The following MEP1A variants were observed in gnomAD, a reference collection of about 807,000 sequenced individuals.
MEP1A encodes N-benzoyl-L-tyrosyl-P-amino-benzoic acid hydrolase subunit alpha.
MEP1A carries 68 observed loss-of-function variants against 84.5 expected under a neutral mutation model. The ratio of observed to expected loss-of-function variants is 0.80; its 90% CI spans 0.66 to 0.98. The LOEUF is 0.98. Ranked by LOEUF, MEP1A falls within the 50% of genes least tolerant of loss-of-function variation. The probability of loss-of-function intolerance (pLI) is 0.00; values close to 1 mark genes in which losing one functional copy is unlikely to be tolerated. For synonymous variants in MEP1A, 337 were observed against 336.8 expected, an observed-to-expected ratio of 1.00 and a Z score of -0.01; for missense variants, 887 against 919.9, an observed-to-expected ratio of 0.96 and a Z score of 0.46.
At chr6:46,813,520 A>C (rs1767556812) in intron 6 of MEP1A, among the ~76,000 whole-genome samples, 1 of 152,160 alleles carries the variant, frequency 6.6e-6, no homozygotes, top group Non-Finnish European at 1.5e-5. Flanking sequence ...GTATCTTTTT[A>C]AGTGGAGAAT....
intron 5 of MEP1A, among the ~76,000 whole-genome samples, chr6:46,803,106 G>A (rs1269472935): frequency 1.3e-5 from 2 of 151,358 alleles, no homozygotes; most frequent in Non-Finnish European, 3.0e-5. Context: ...TTTCTTAAAT[G>A]TTGGTAAAAA....
chr6:46,817,747 A>G lies in MEP1A; in HGVS notation c.381-1782A>G, dbSNP rs1013130625. Among the ~76,000 whole-genome samples the G allele has an allele frequency of 7.0e-4, 107 of 152,334 alleles. 2 individuals are homozygous for G. The highest frequency in any genetic ancestry group is 5.9e-5 in the Non-Finnish European group (4 of 68,028). Reference sequence around the variant, plus strand: ...TTTTTTTGTTTTCAAGTGAGTCCCAACTACTTGATTAAGGGGTAGGTCAGC... The same window carrying G: ...TTTTTTTGTTTTCAAGTGAGTCCCAGCTACTTGATTAAGGGGTAGGTCAGC... On this transcript the variant is annotated intron_variant, in intron 6 of 13. Transcript: ENST00000230588.
rs567742042 is a variant in MEP1A, at chr6:46,839,018, G to A, written c.2123G>A (p.Arg708His). ...SGHAFFYTGE[R>H]CQAVQVHGSV... is the part of the protein sequence containing the mutation. ...CATGCTTTCTTCTACACGGGGGAGC[G>A]CTGTCAGGCCGTGCAGGTGCACGGC... The change falls in exon 14 of 14, where the codon CGC becomes CAC. Residue 708 changes from arginine (R) to histidine (H), a missense_variant. By Grantham distance (29) the Arg-to-His change is conservative (BLOSUM62 0). Coordinates refer to ENST00000230588, the MANE Select transcript of MEP1A (RefSeq NM_005588.3). The A allele has an allele frequency of 1.7e-5, 28 of 1,613,558 alleles. No homozygotes were observed. Among genetic ancestry groups the A allele is most frequent in the Middle Eastern group, 1.7e-4 (1 of 6,036 alleles).
chr6:46,797,143 G>A (rs900125030), intron 3 of MEP1A, among the ~76,000 whole-genome samples: 6 of 152,160 alleles, frequency 3.9e-5, no homozygotes, highest in African/African-American at 7.2e-5. Context: ...ATGCATAAAC[G>A]GAGCTGGTTC....
chr6:46,836,311 G>T (rs1768216948), intron 13 of MEP1A, among the ~76,000 whole-genome samples: 1 of 152,170 alleles, frequency 6.6e-6, no homozygotes, highest in Non-Finnish European at 1.5e-5. Context: ...CACAAAAGGA[G>T]GTATGTGATG....
At chr6:46,840,577 G>C (rs1420195078), downstream of MEP1A, among the ~76,000 whole-genome samples, 1 of 152,178 alleles carries the variant, frequency 6.6e-6, no homozygotes, top group East Asian at 1.9e-4. Flanking sequence ...CCTGGCTGCA[G>C]GCTTGGATTG....
intron 6 of MEP1A, among the ~76,000 whole-genome samples, chr6:46,812,409 T>G (rs1418311060): frequency 6.6e-6 from 1 of 152,092 alleles, no homozygotes; most frequent in Admixed American, 6.5e-5. Flanking sequence ...TTATTTATTT[T>G]TTCAAAGAAC....
intron 9 of MEP1A, among the ~76,000 whole-genome samples, chr6:46,828,975 C>A (rs1193241022): frequency 1.3e-5 from 2 of 152,114 alleles, no homozygotes; most frequent in South Asian, 2.1e-4. Flanking sequence ...AACAACCAGA[C>A]CAACCCAACT....
At position 46,839,069 on chromosome 6, in the gene MEP1A, G is replaced by T. The variant is rs917809605; in HGVS notation, c.2174G>T (p.Gly725Val). 2.5e-6 allele frequency: 4 copies of T among 1,613,678 alleles called. No individual in the cohort carries two copies. The highest frequency in any genetic ancestry group is 3.4e-6 in the Non-Finnish European group (4 of 1,179,854). Residue 725 changes from glycine (G) to valine (V), a missense_variant, in exon 14 of 14, where the codon GGC (glycine) becomes GTC (valine). Gly to Val is a moderately radical substitution (Grantham distance 109). Transcript: ENST00000230588. ...AGTGTCCTGGGCATGGTGATCGGAG[G>T]CACGGCTGGCGTGATCTTCTTGACC... ...HGSVLGMVIG[G>V]TAGVIFLTFS...
At chr6:46,808,132 C>T (rs111238315) in intron 5 of MEP1A, among the ~76,000 whole-genome samples, 18 of 151,592 alleles carry the variant, frequency 1.2e-4, no homozygotes, top group African/African-American at 4.4e-4. Flanking sequence ...AGCTTGCTTT[C>T]AGTATAATCA....
At position 46,825,422 on chromosome 6, in the gene MEP1A, A is replaced by T; in HGVS notation, c.707A>T (p.Asn236Ile). 2 of 1,613,848 alleles carry T rather than the reference A, an allele frequency of 1.2e-6. No individual in the cohort carries two copies. The highest frequency in any genetic ancestry group is 1.7e-6 in the Non-Finnish European group (2 of 1,179,878). Residue 236 changes from asparagine to isoleucine, a missense_variant, in exon 8 of 14, where the codon AAC (asparagine) becomes ATC (isoleucine). Transcript: ENST00000230588. ...PTITAKIPEF[N>I]SIIGQRLDFS... is the part of the protein sequence containing the mutation. ...ATCACAGCCAAGATCCCTGAGTTTAACTCCATTATCGGACAGCGCCTGGAT... is the reference window on the plus strand; with the variant it reads ...ATCACAGCCAAGATCCCTGAGTTTATCTCCATTATCGGACAGCGCCTGGAT...
intron 3 of MEP1A, among the ~76,000 whole-genome samples, chr6:46,797,790 T>TTCTC (rs766618838): frequency 8.3e-6 from 1 of 120,602 alleles, no homozygotes; most frequent in Non-Finnish European, 1.8e-5. Context: ...CTTTCTTTCT[T>TTCTC]TCTCTTTCTT....
intron 5 of MEP1A, among the ~76,000 whole-genome samples, chr6:46,803,908 A>T (rs971652566): frequency 6.6e-6 from 1 of 151,674 alleles, no homozygotes; most frequent in Non-Finnish European, 1.5e-5. Context: ...CCTTAGCGTT[A>T]ATATTATGCA....
At chr6:46,829,276 A>T (rs1768019371) in intron 9 of MEP1A, 80 bp from the exon 10 acceptor site, 2 of 1,143,882 alleles carry the variant, frequency 1.7e-6, no homozygotes, top group East Asian at 4.7e-5. Context: ...GCTGTGGTTC[A>T]CTATTTCACT....
intron 3 of MEP1A, 138 bp from the exon 4 acceptor site, chr6:46,798,468 G>C: frequency 1.4e-6 from 1 of 697,448 alleles, no homozygotes; most frequent in Non-Finnish European, 2.5e-6. Context: ...TGGAATTTTT[G>C]CATTGTTTCA....
the MEP1A span, among the ~76,000 whole-genome samples, chr6:46,845,909 T>C: frequency 6.6e-6 from 1 of 152,204 alleles, no homozygotes; most frequent in Non-Finnish European, 1.5e-5. Flanking sequence ...ACTGTTATAG[T>C]GCATAATTGG....
intron 5 of MEP1A, among the ~76,000 whole-genome samples, chr6:46,806,412 T>C (rs1410660431): frequency 1.3e-5 from 2 of 152,092 alleles, no homozygotes; most frequent in African/African-American, 4.8e-5. Context: ...GTCTTGCCCT[T>C]AGTTCAAGGC....
downstream of MEP1A, among the ~76,000 whole-genome samples, chr6:46,844,335 ATG>A (rs372712714): frequency 4.0e-5 from 6 of 151,296 alleles, no homozygotes; most frequent in Admixed American, 6.6e-5. Flanking sequence ...AGCCCAACAG[ATG>A]TGTGTGTGTG....
chr6:46,797,214 T>C (rs1000918967), intron 3 of MEP1A, among the ~76,000 whole-genome samples: 9 of 152,364 alleles, frequency 5.9e-5, no homozygotes, highest in Admixed American at 2.6e-4. Context: ...CTGTGGTAAT[T>C]AATCTCTGCC....
Sources: gnomAD v4.1 joint callset for allele counts (sites outside exome capture counted in the v4.1 genomes callset) on GRCh38, gnomAD v4.1.1 for gene constraint, MANE v1.5 for transcripts, NCBI Gene and HGNC (gene_info 2026-07-23, HGNC 2026-07-21) for gene names.